The following ABCA12 variants were observed in gnomAD, a reference collection of about 807,000 sequenced individuals.
The protein encoded by ABCA12 is ATP binding cassette subfamily A member 12.
In ABCA12, 156 loss-of-function variants were observed where a neutral mutation model predicts 293.5. That is an observed-to-expected ratio of 0.53 (90% CI 0.47 to 0.61). ABCA12 has a LOEUF of 0.61. ABCA12 is among the 20% of genes least tolerant of loss of function. The probability of loss-of-function intolerance (pLI) is 0.00; values close to 1 mark genes in which losing one functional copy is unlikely to be tolerated. For synonymous variants in ABCA12, 1,063 were observed against 1,108.0 expected (o/e 0.96, Z 0.81); for missense variants, 2,797 against 3,090.2 (o/e 0.91, Z 2.25).
chr2:215,034,441 A>AG (rs1700947634), intron 8 of ABCA12, among the ~76,000 whole-genome samples: 1 of 152,130 alleles, frequency 6.6e-6, no homozygotes, highest in Admixed American at 6.5e-5. Flanking sequence ...AGGCAGTGGA[A>AG]AAAATGTAGC....
chr2:214,932,766 C>A, intron 52 of ABCA12, 25 bp from the exon 53 acceptor site: 1 of 1,534,386 alleles, frequency 6.5e-7, no homozygotes, highest in Non-Finnish European at 9.0e-7. Context: ...AAAATAAAGC[C>A]ATTAATGCCT....
chr2:215,125,346 T>C (rs972642125), intron 1 of ABCA12, among the ~76,000 whole-genome samples: 5 of 152,138 alleles, frequency 3.3e-5, no homozygotes, highest in African/African-American at 1.2e-4. Flanking sequence ...ATGATGGTGG[T>C]ATTTTGATGG....
In ABCA12 at chr2:215,010,440, A is replaced by C; in HGVS notation, c.2363T>G (p.Ile788Ser). The C allele has an allele frequency of 1.9e-6, 3 of 1,613,798 alleles. No homozygotes were observed. The highest frequency in any genetic ancestry group is 2.5e-6 in the Non-Finnish European group (3 of 1,179,748). The change falls in exon 18 of 53, where the codon ATC becomes AGC. Residue 788 changes from isoleucine to serine, a missense_variant. Around this residue, in one of 3 missense-constraint regions of ABCA12, gnomAD observed 2,130 missense variants for 2,427.0 expected, o/e 0.88. Transcript: ENST00000272895. ...CACAGGTCCAGCGGGCATGTTAATG[A>C]TGTCTTTATAAAGGGAGAAGCAAAA... ...TPFCFSLYKD[I>S]INMPAGPVIW...
chr2:214,987,876 T>C, intron 26 of ABCA12, 83 bp from the exon 27 acceptor site: 1 of 1,526,022 alleles, frequency 6.6e-7, no homozygotes, highest in Non-Finnish European at 8.9e-7. Flanking sequence ...AGATCCTATG[T>C]ATGGTTTAGG....
chr2:214,986,518 A>T (rs757364866), intron 28 of ABCA12, 24 bp downstream of exon 28: 1 of 1,608,728 alleles, frequency 6.2e-7, no homozygotes, highest in South Asian at 1.1e-5. Flanking sequence ...TTCCATGGCA[A>T]TAAATGTCAA....
chr2:215,025,646 T>C (rs866658904), intron 11 of ABCA12, 27 bp downstream of exon 11: 1 of 1,484,962 alleles, frequency 6.7e-7, no homozygotes, highest in Middle Eastern at 1.9e-4. Flanking sequence ...TTTTGTTTTT[T>C]GTTTTTTTTT....
intron 30 of ABCA12, among the ~76,000 whole-genome samples, chr2:214,981,090 GA>G (rs771209301): frequency 0.011 from 1,399 of 121,780 alleles, 5 homozygotes; most frequent in Non-Finnish European, 0.016. Flanking sequence ...ATCTCAAAGG[GA>G]AAAAAAAAAA....
chr2:215,137,887 CT>C (rs1009522612), intron 1 of ABCA12, among the ~76,000 whole-genome samples: 10 of 148,556 alleles, frequency 6.7e-5, no homozygotes, highest in Admixed American at 2.7e-4. Context: ...GAGTCATGTT[CT>C]TTTTTTTTTG....
intron 30 of ABCA12, 129 bp from the exon 31 acceptor site, chr2:214,980,772 T>G: frequency 8.2e-7 from 1 of 1,220,424 alleles, no homozygotes; most frequent in Non-Finnish European, 1.2e-6. Flanking sequence ...ACTGAAAAAC[T>G]GACTGACCTC....
chr2:214,948,935 A>G (rs1339599949), intron 46 of ABCA12, 105 bp downstream of exon 46: 15 of 1,201,580 alleles, frequency 1.2e-5, no homozygotes, highest in Admixed American at 1.8e-5. Context: ...TTCTCCCCTA[A>G]GGACTGAATA....
chr2:214,976,122 T>C, intron 33 of ABCA12, 85 bp from the exon 34 acceptor site: 2 of 1,529,888 alleles, frequency 1.3e-6, no homozygotes, highest in Non-Finnish European at 1.8e-6. Context: ...ATAAATGGTA[T>C]AATACACTGT....
intron 2 of ABCA12, among the ~76,000 whole-genome samples, chr2:215,109,603 C>G (rs1702529855): frequency 6.6e-6 from 1 of 152,138 alleles, no homozygotes; most frequent in South Asian, 2.1e-4. Context: ...AGTTATTCAT[C>G]TCCTCCCTGA....
chr2:214,948,541 G>C, intron 47 of ABCA12, 55 bp downstream of exon 47: 1 of 1,588,710 alleles, frequency 6.3e-7, no homozygotes, highest in Non-Finnish European at 8.6e-7. Flanking sequence ...GGTGGGGGAT[G>C]GAAGTAGAAA....
At chr2:215,000,138 A>G (rs1016524751) in intron 22 of ABCA12, among the ~76,000 whole-genome samples, 2 of 152,204 alleles carry the variant, frequency 1.3e-5, no homozygotes, top group African/African-American at 4.8e-5. Context: ...TTACTTTTTT[A>G]TTCATCTAGA....
At chr2:215,047,717 C>T (rs1335419282) in intron 6 of ABCA12, among the ~76,000 whole-genome samples, 1 of 151,928 alleles carries the variant, frequency 6.6e-6, no homozygotes, top group Non-Finnish European at 1.5e-5. Context: ...TTATAAAAAC[C>T]CTGGAAGACA....
intron 2 of ABCA12, among the ~76,000 whole-genome samples, chr2:215,083,475 G>C (rs879494037): frequency 6.6e-6 from 1 of 152,152 alleles, no homozygotes; most frequent in African/African-American, 2.4e-5. Context: ...GATGGTTTTA[G>C]AGCATTGATT....
At chr2:214,945,941 G>A (rs1039194442) in intron 48 of ABCA12, among the ~76,000 whole-genome samples, 1 of 152,126 alleles carries the variant, frequency 6.6e-6, no homozygotes, top group Non-Finnish European at 1.5e-5. Flanking sequence ...GCGGGGAGAG[G>A]AGGATAGAGA....
intron 48 of ABCA12, among the ~76,000 whole-genome samples, chr2:214,945,777 A>G (rs1698563378): frequency 6.6e-6 from 1 of 152,214 alleles, no homozygotes; most frequent in Non-Finnish European, 1.5e-5. Flanking sequence ...AATTTAAAAA[A>G]TATACTTGTA....
rs548857145 is a variant in ABCA12, at chr2:215,071,969, A to G, written c.164-7750T>C. 6.8e-4 allele frequency among the ~76,000 whole-genome samples: 103 copies of G among 152,228 alleles called. 1 individual carries two copies. Among genetic ancestry groups the G allele is most frequent in the African/African-American group, 2.4e-3 (101 of 41,550 alleles). ...CTCAGTGGGTGTGGTGCCATGATAC[A>G]TTCTCCCTCCTTCTCCCCAGGCAAG... On this transcript the variant is annotated intron_variant, in intron 2 of 52. Transcript: ENST00000272895.
Sources: allele counts gnomAD v4.1 joint callset (sites outside exome capture counted in the v4.1 genomes callset), GRCh38; gene constraint gnomAD v4.1.1; regional missense constraint gnomAD v4.1.1; transcripts MANE v1.5; gene names NCBI Gene and HGNC (gene_info 2026-07-23, HGNC 2026-07-21).